ATP9B: variants seen among roughly 807,000 people sequenced by gnomAD.
ATP9B encodes the protein ATPase phospholipid transporting 9B.
In ATP9B, 110 loss-of-function variants were observed where a neutral mutation model predicts 146.1. The observed-to-expected ratio is 0.75, with a 90% CI of 0.65 to 0.88. The LOEUF (loss-of-function observed/expected upper bound fraction) is 0.88, where lower values mean the gene tolerates loss of function less well. Among genes scored for constraint, ATP9B ranks in the 40% least tolerant of loss-of-function variants. The pLI is 0.00. For missense variants in ATP9B, 1,499 were observed against 1,496.4 expected (o/e 1.00, Z -0.03); for synonymous variants, 604 against 569.7 (o/e 1.06, Z -0.86).
chr18:79,173,652 C>G, intron 7 of ATP9B: 1 of 453,406 alleles, frequency 2.2e-6, no homozygotes, highest in Non-Finnish European at 4.4e-6. Context: ...GGGACTCTCT[C>G]TGGGTTCTTT....
intron 8 of ATP9B, among the ~76,000 whole-genome samples, chr18:79,182,037 C>T (rs1032911583): frequency 6.6e-6 from 1 of 152,164 alleles, no homozygotes; most frequent in Non-Finnish European, 1.5e-5. Context: ...GCATCTCGAT[C>T]TTTATTAAAT....
intron 15 of ATP9B, among the ~76,000 whole-genome samples, chr18:79,326,372 T>C (rs77550672): frequency 0.056 from 2,086 of 37,256 alleles, 13 homozygotes; most frequent in East Asian, 0.092. Flanking sequence ...GTCATCTCTG[T>C]ACCCTCCCTC....
chr18:79,348,088 T>C (rs766197875), intron 24 of ATP9B, 44 bp from the exon 25 acceptor site: 2 of 1,609,122 alleles, frequency 1.2e-6, no homozygotes, highest in Non-Finnish European at 1.7e-6. Flanking sequence ...CCACAGGTGC[T>C]CGTGGAACTG....
intron 1 of ATP9B, among the ~76,000 whole-genome samples, chr18:79,078,978 A>G (rs996263050): frequency 2.6e-5 from 4 of 152,170 alleles, no homozygotes; most frequent in Non-Finnish European, 5.9e-5. Flanking sequence ...ATGTCCACGC[A>G]AAGGACATGA....
intron 2 of ATP9B, among the ~76,000 whole-genome samples, chr18:79,098,294 G>A (rs1036529721): frequency 1.3e-5 from 2 of 150,524 alleles, no homozygotes; most frequent in African/African-American, 2.5e-5. Context: ...AGAAAACCTA[G>A]GCATTACCAT....
Position 79,113,515 on chromosome 18 carries a change from C to T in ATP9B, c.558+161C>T, listed in dbSNP as rs75972385. Among the ~76,000 whole-genome samples the T allele has an allele frequency of 2.6e-5, 4 of 152,304 alleles. No homozygotes were observed. The East Asian group carries it at 7.7e-4, about 29-fold the overall frequency. ...AGATTTTGCTGAGTGATTTCAGTCC[C>T]TCTGAGAACCATGGGAAGTATGGTG... On this transcript the variant is annotated intron_variant, in intron 4 of 29. Transcript: ENST00000426216.
intron 1 of ATP9B, among the ~76,000 whole-genome samples, chr18:79,070,834 TTAA>T (rs1333482468): frequency 6.6e-6 from 1 of 152,186 alleles, no homozygotes; most frequent in Non-Finnish European, 1.5e-5. Flanking sequence ...TTTTTTTGGA[TTAA>T]TGTTTGCATG....
chr18:79,334,853 G>A (rs565764868), intron 17 of ATP9B, among the ~76,000 whole-genome samples: 10 of 124,906 alleles, frequency 8.0e-5, no homozygotes, highest in Admixed American at 4.0e-4. Context: ...CGCCCACACC[G>A]CCTTGTTCCA....
In ATP9B at chr18:79,296,088, TCACTG is replaced by T. The variant is rs151189996; in HGVS notation, c.1412-7513_1412-7509del. Among the ~76,000 whole-genome samples the T allele has an allele frequency of 6.5e-3, 997 of 152,340 alleles. 5 individuals carry two copies. The highest frequency in any genetic ancestry group is 0.022 in the African/African-American group (932 of 41,582). The stretch of plus-strand genomic sequence containing the variant: ...TGGAGTGCAGTGTCGTGATCACAGC[TCACTG>T]CAGCCTCAAACTCCTGAGCGCAGTC... On this transcript the variant is annotated intron_variant, in intron 13 of 29. Coordinates refer to ENST00000426216, the MANE Select transcript of ATP9B (RefSeq NM_198531.5).
chr18:79,376,151 T>C, intron 29 of ATP9B: 1 of 970,782 alleles, frequency 1.0e-6, no homozygotes, highest in South Asian at 4.8e-5. Context: ...CAGCCCCTCA[T>C]AAAGTCAGCT....
In ATP9B at chr18:79,336,100, C is replaced by CCTCCATGCCCTCCCTGG. The variant is rs1568732745; in HGVS notation, c.2029-527_2029-526insTCCATGCCCTCCCTGGC. The stretch of plus-strand genomic sequence containing the variant: ...CCGTCCCCAGCACCGCCGTGTGCAC[C>CCTCCATGCCCTCCCTGG]CACCATGCCCTCCCTGGCACCAGGC... On this transcript the variant is annotated intron_variant, in intron 17 of 29. Coordinates refer to ENST00000426216, the MANE Select transcript of ATP9B (RefSeq NM_198531.5). Among the ~76,000 whole-genome samples the CCTCCATGCCCTCCCTGG allele has an allele frequency of 1.6e-3, 230 of 140,412 alleles. 6 individuals carry two copies. The highest frequency in any genetic ancestry group is 2.9e-3 in the African/African-American group (111 of 38,426). 92.1% of individuals were successfully genotyped at this position (140,412 alleles called of 152,430 possible).
At chr18:79,135,411 T>C (rs1413612188) in intron 5 of ATP9B, among the ~76,000 whole-genome samples, 1 of 152,216 alleles carries the variant, frequency 6.6e-6, no homozygotes, top group Admixed American at 6.5e-5. Flanking sequence ...GATTCTTCTC[T>C]GAATGTGCCT....
In ATP9B at chr18:79,277,166, C is replaced by T. The variant is rs749441189; in HGVS notation, c.1381C>T (p.Arg461Cys). The T allele has an allele frequency of 1.4e-5, 23 of 1,614,074 alleles. No homozygotes were observed. Among genetic ancestry groups the T allele is most frequent in the South Asian group, 5.5e-5 (5 of 91,088 alleles). ...RTSTIPEELG[R>C]LVYLLTDKTG... ...CAGCACTATCCCAGAGGAACTTGGG[C>T]GCCTGGTGTATTTATTGACAGACAA... The change falls in exon 13 of 30, where the codon CGC (arginine) becomes TGC (cysteine). Residue 461 changes from arginine (R) to cysteine (C), a missense_variant. By Grantham distance (180) the Arg-to-Cys change is radical. Transcript: ENST00000426216.
intron 13 of ATP9B, among the ~76,000 whole-genome samples, chr18:79,297,736 CT>C (rs974479236): frequency 6.6e-5 from 10 of 152,176 alleles, no homozygotes; most frequent in Admixed American, 5.9e-4. Context: ...GATAAAACAG[CT>C]ACTCAGGGAC....
At chr18:79,233,151 G>A (rs1291088445) in intron 11 of ATP9B, among the ~76,000 whole-genome samples, 1 of 151,972 alleles carries the variant, frequency 6.6e-6, no homozygotes, top group East Asian at 1.9e-4. Flanking sequence ...AATTAGCCAG[G>A]TGAAGTGGCG....
chr18:79,191,314 A>G (rs1600310908), intron 8 of ATP9B, among the ~76,000 whole-genome samples: 2 of 151,760 alleles, frequency 1.3e-5, no homozygotes, highest in Non-Finnish European at 2.9e-5. Context: ...AATTTTATTT[A>G]TGTGTTTAGG....
At chr18:79,111,344 A>G (rs1289257406) in intron 3 of ATP9B, among the ~76,000 whole-genome samples, 2 of 152,106 alleles carry the variant, frequency 1.3e-5, no homozygotes, top group East Asian at 3.8e-4. Context: ...TTGTATATTT[A>G]ATTTAAATAA....
At chr18:79,127,673 T>G (rs2094310000) in intron 5 of ATP9B, among the ~76,000 whole-genome samples, 1 of 152,232 alleles carries the variant, frequency 6.6e-6, no homozygotes, top group South Asian at 2.1e-4. Context: ...TATGGACATT[T>G]GTGTACAAGC....
chr18:79,320,745 C>T (rs557016858), intron 15 of ATP9B, among the ~76,000 whole-genome samples: 26 of 152,020 alleles, frequency 1.7e-4, no homozygotes, highest in Non-Finnish European at 3.1e-4. Context: ...CCCACTTCCT[C>T]GGGATGCTGT....
Sources: gnomAD v4.1 joint callset for allele counts (sites outside exome capture counted in the v4.1 genomes callset) on GRCh38, gnomAD v4.1.1 for gene constraint, MANE v1.5 for transcripts, NCBI Gene and HGNC (gene_info 2026-07-23, HGNC 2026-07-21) for gene names.